MYO5C: variants seen among roughly 807,000 people sequenced by gnomAD.
MYO5C encodes the protein unconventional myosin-Vc.
A neutral mutation model predicts 235.7 loss-of-function variants in MYO5C; 194 were observed. That is an observed-to-expected ratio of 0.82 (90% confidence interval 0.73 to 0.93). The LOEUF is 0.93. Among genes scored for constraint, MYO5C ranks in the 40% least tolerant of loss-of-function variants. The probability of loss-of-function intolerance (pLI) is 0.00; values close to 1 mark genes in which losing one functional copy is unlikely to be tolerated. For synonymous variants in MYO5C, 707 were observed against 754.8 expected (o/e 0.94, Z 1.04); for missense variants, 2,038 against 2,127.2 (o/e 0.96, Z 0.82).
At chr15:52,275,992 C>T (rs2037041859) in intron 4 of MYO5C, among the ~76,000 whole-genome samples, 1 of 152,156 alleles carries the variant, frequency 6.6e-6, no homozygotes, top group Non-Finnish European at 1.5e-5. Context: ...AAAACTGCTC[C>T]TTCCCATCCT....
At chr15:52,283,520 C>T (rs1240000717) in intron 1 of MYO5C, among the ~76,000 whole-genome samples, 1 of 152,114 alleles carries the variant, frequency 6.6e-6, no homozygotes, top group Non-Finnish European at 1.5e-5. Context: ...CGCCGATGTA[C>T]AAGTCTTTAG....
chr15:52,244,613 TTCTA>T, intron 18 of MYO5C, 46 bp from the exon 19 acceptor site: 2 of 1,390,074 alleles, frequency 1.4e-6, no homozygotes, highest in Non-Finnish European at 2.0e-6. Context: ...CTGTCAGATT[TTCTA>T]TAATACAGTA....
chr15:52,225,647 GTTTC>G, intron 25 of MYO5C, 115 bp from the exon 26 acceptor site: 1 of 732,240 alleles, frequency 1.4e-6, no homozygotes, highest in Non-Finnish European at 2.4e-6. Flanking sequence ...CCTCACTGCA[GTTTC>G]TTTCTTAGCT....
chr15:52,216,309 G>C (rs1337566125), intron 32 of MYO5C, among the ~76,000 whole-genome samples: 1 of 152,062 alleles, frequency 6.6e-6, no homozygotes, highest in Non-Finnish European at 1.5e-5. Flanking sequence ...CAATCTCCTG[G>C]GCTCAAGCAG....
chr15:52,249,492 G>C (rs538976594), intron 13 of MYO5C, among the ~76,000 whole-genome samples: 21 of 152,216 alleles, frequency 1.4e-4, no homozygotes, highest in African/African-American at 4.1e-4. Flanking sequence ...TTTAAAAATT[G>C]ACAATGAGGA....
At chr15:52,239,194 G>A (rs538119673) in intron 21 of MYO5C, among the ~76,000 whole-genome samples, 28 of 151,238 alleles carry the variant, frequency 1.9e-4, no homozygotes, top group Non-Finnish European at 2.5e-4. Flanking sequence ...CAGGTGATCC[G>A]CCCCCCATGG....
chr15:52,245,565 G>C, intron 17 of MYO5C, 100 bp from the exon 18 acceptor site: 1 of 847,726 alleles, frequency 1.2e-6, no homozygotes, highest in Non-Finnish European at 2.0e-6. Context: ...TAGGGCGGGG[G>C]TGGTGCAATC....
At position 52,281,152 on chromosome 15, in the gene MYO5C, C is replaced by G. The variant is rs56786686; in HGVS notation, c.139-1478G>C. On this transcript the variant is annotated intron_variant, in intron 2 of 40. Coordinates refer to ENST00000261839, the MANE Select transcript of MYO5C (RefSeq NM_018728.4). ...ACAACCCCCACTTCTGGTTTGGCCTCTGTGTGTGTTATGTGTGAAAGCAAC... is the reference window on the plus strand; with the variant it reads ...ACAACCCCCACTTCTGGTTTGGCCTGTGTGTGTGTTATGTGTGAAAGCAAC... Among the ~76,000 whole-genome samples the G allele has an allele frequency of 8.8e-3, 1,334 of 152,298 alleles. 22 individuals are homozygous for G. Among genetic ancestry groups the G allele is most frequent in the African/African-American group, 0.031 (1,289 of 41,560 alleles).
chr15:52,241,643 G>A (rs896825422), intron 20 of MYO5C, among the ~76,000 whole-genome samples: 1 of 152,124 alleles, frequency 6.6e-6, no homozygotes, highest in African/African-American at 2.4e-5. Flanking sequence ...TGTCTGTTAG[G>A]TGCACATTAT....
At position 52,252,719 on chromosome 15, in the gene MYO5C, G is replaced by A. The variant is rs550705975; in HGVS notation, c.1536+598C>T. 4.0e-5 allele frequency among the ~76,000 whole-genome samples: 6 copies of A among 151,596 alleles called. No individual in the cohort carries two copies. The East Asian group carries it at 1.2e-3, about 29-fold the overall frequency. On this transcript the variant is annotated intron_variant, in intron 12 of 40. Transcript: ENST00000261839. ...GAACTCAGGAAGCGGAGGTTGCAGT[G>A]AGCCGAGATGGCACCACTGCACTCC...
chr15:52,291,132 T>G (rs1596240275), intron 1 of MYO5C, among the ~76,000 whole-genome samples: 1 of 152,170 alleles, frequency 6.6e-6, no homozygotes, highest in Admixed American at 6.5e-5. Flanking sequence ...CTTAAAGCAC[T>G]AACATAATGC....
At chr15:52,241,950 G>T in intron 20 of MYO5C, 98 bp downstream of exon 20, 1 of 1,317,346 alleles carries the variant, frequency 7.6e-7, no homozygotes, top group Non-Finnish European at 1.0e-6. Flanking sequence ...TGTACAAAGT[G>T]AGGTTGCCCA....
In MYO5C at chr15:52,203,667, CAATT is replaced by C. The variant is rs1168089479; in HGVS notation, c.4820+1194_4820+1197del. Among the ~76,000 whole-genome samples, 4 of 152,184 alleles carry C rather than the reference CAATT, an allele frequency of 2.6e-5. No individual in the cohort carries two copies. In the East Asian group the frequency reaches 5.8e-4, roughly 22 times the overall value. ...GGCCTCTAAGTTATTTAAAAATACA[CAATT>C]AAGTTATTATTGACTATAGTCACCC... On this transcript the variant is annotated intron_variant, in intron 38 of 40. Transcript: ENST00000261839.
intron 33 of MYO5C, among the ~76,000 whole-genome samples, chr15:52,213,858 T>C (rs1055856952): frequency 2.6e-5 from 4 of 152,218 alleles, no homozygotes; most frequent in African/African-American, 9.6e-5. Flanking sequence ...AGCACAGACC[T>C]GGGCCCTGCT....
intron 10 of MYO5C, among the ~76,000 whole-genome samples, chr15:52,258,010 C>G (rs955341070): frequency 6.6e-6 from 1 of 152,166 alleles, no homozygotes. Context: ...CTGGTCTGCT[C>G]ATGGAAGCAA....
At chr15:52,241,729 GGTGT>G (rs370672907) in intron 20 of MYO5C, among the ~76,000 whole-genome samples, 4 of 149,370 alleles carry the variant, frequency 2.7e-5, no homozygotes, top group South Asian at 2.1e-4. Flanking sequence ...CAGTGCAACT[GGTGT>G]GTGTGTGTGT....
chr15:52,239,186 G>A (rs2036158016), intron 21 of MYO5C, among the ~76,000 whole-genome samples: 1 of 151,312 alleles, frequency 6.6e-6, no homozygotes, highest in South Asian at 2.1e-4. Flanking sequence ...CCCAACCTCA[G>A]GTGATCCGCC....
chr15:52,275,188 A>G (rs2037014287), intron 5 of MYO5C, among the ~76,000 whole-genome samples: 1 of 152,250 alleles, frequency 6.6e-6, no homozygotes, highest in Non-Finnish European at 1.5e-5. Flanking sequence ...AAGGTTTATC[A>G]ATCAGCTTGC....
intron 38 of MYO5C, among the ~76,000 whole-genome samples, chr15:52,196,762 A>G (rs1400989934): frequency 6.6e-6 from 1 of 152,272 alleles, no homozygotes; most frequent in Admixed American, 6.5e-5. Context: ...ACAATTTTGA[A>G]AATTGATTAA....
Sources: gnomAD v4.1 joint callset for allele counts (sites outside exome capture counted in the v4.1 genomes callset) on GRCh38, gnomAD v4.1.1 for gene constraint, MANE v1.5 for transcripts, NCBI Gene and HGNC (gene_info 2026-07-23, HGNC 2026-07-21) for gene names.